Variants in BRIX1 observed in about 807,000 individuals in gnomAD.
BRIX1 encodes biogenesis of ribosomes BRX1, also known as ribosome biogenesis protein BRX1 homolog.
BRIX1 carries 15 observed loss-of-function variants against 44.0 expected under a neutral mutation model. The observed-to-expected ratio is 0.34, with a 90% CI of 0.23 to 0.53. BRIX1 has a LOEUF of 0.53. BRIX1 is among the 20% of genes least tolerant of loss of function. BRIX1 has a pLI of 0.95. For missense variants in BRIX1, 420 were observed against 432.8 expected (o/e 0.97, Z 0.26); for synonymous variants, 149 against 135.4 (o/e 1.10, Z -0.70).
Position 34,919,821 on chromosome 5 carries a change from CT to C in BRIX1, c.272-11del, listed in dbSNP as rs759304504. ...ATCACCTTTAATTTACTTGCTTTTT[CT>C]TTTTTTTCTTTTTCTAGATACTAAA... On this transcript the variant is annotated intron_variant, in intron 2 of 9. Transcript: ENST00000336767. 5.8e-5 allele frequency: 50 copies of C among 866,518 alleles called. No individual in the cohort carries two copies. The highest frequency in any genetic ancestry group is 1.2e-4 in the South Asian group (6 of 51,978). 53.7% of individuals were successfully genotyped at this position (866,518 alleles called of 1,614,324 possible). A position where few individuals can be genotyped will look rare whatever the true frequency, so the allele number is the denominator to read the frequency against.
chr5:34,921,163 TTAAA>T (rs1273002180), intron 3 of BRIX1: 13 of 152,216 alleles, frequency 8.5e-5, no homozygotes, highest in African/African-American at 2.7e-4. Context: ...GTTTAAAGTC[TTAAA>T]TAATGTGGAG....
intron 2 of BRIX1, among the ~76,000 whole-genome samples, chr5:34,919,159 C>T (rs1561171916): frequency 6.7e-6 from 1 of 150,098 alleles, no homozygotes; most frequent in Non-Finnish European, 1.5e-5. Context: ...GCCTGCAGTC[C>T]CAGCTACTCA....
rs1427335166 is a variant in BRIX1 at position 34,924,908 on chromosome 5, A to C, written c.725A>C (p.Lys242Thr). The change falls in exon 9 of 10, where the codon AAG becomes ACG. Residue 242 changes from lysine to threonine, a missense_variant. Transcript: ENST00000336767. ...IGPRFVLNLI[K>T]IFQGSFGGPT... ...CCTCGTTTTGTCTTAAATCTCATAA[A>C]GATTTTCCAGGGAAGTTTTGGAGGA... is the stretch of plus-strand genomic sequence containing the variant. 6.2e-7 allele frequency: 1 copy of C among 1,612,218 alleles called. No homozygotes were observed.
chr5:34,925,389 A>C lies in BRIX1; in HGVS notation c.956A>C (p.Gln319Pro). 6.2e-7 allele frequency: 1 copy of C among 1,614,050 alleles called. No individual in the cohort carries two copies. Among genetic ancestry groups the C allele is most frequent in the Non-Finnish European group, 8.5e-7 (1 of 1,180,020 alleles). The change falls in exon 10 of 10, where the codon CAG (glutamine) becomes CCG (proline). Residue 319 changes from glutamine to proline, a missense_variant. Gln to Pro is a moderately conservative substitution (Grantham distance 76). Coordinates refer to ENST00000336767, the MANE Select transcript of BRIX1 (RefSeq NM_018321.4). ...TPAEEKPIEI[Q>P]WVKPEPKVDL... ...GCTGAGGAGAAACCAATAGAAATAC[A>C]GTGGGTAAAACCAGAGCCAAAAGTT...
intron 8 of BRIX1, 74 bp downstream of exon 8, chr5:34,923,308 T>TCAAAA: frequency 8.2e-7 from 1 of 1,221,960 alleles, no homozygotes; most frequent in Non-Finnish European, 1.2e-6. Context: ...AGACAGAGTC[T>TCAAAA]CGCTCTTGTT....
chr5:34,922,867 C>A (rs1764270670), intron 6 of BRIX1, 99 bp downstream of exon 6: 2 of 1,316,198 alleles, frequency 1.5e-6, no homozygotes, highest in Admixed American at 1.9e-5. Flanking sequence ...TCACCCCCAC[C>A]TTGGTTTTAT....
Position 34,915,907 on chromosome 5 carries a change from G to T in BRIX1, c.159+10G>T. ...AGGCCCCGTTTGCAAGGTAGGAGGGGATGTCCCCGGGCTACACCTGCGGCG... is the reference window on the plus strand; with the variant it reads ...AGGCCCCGTTTGCAAGGTAGGAGGGTATGTCCCCGGGCTACACCTGCGGCG... On this transcript the variant is annotated intron_variant, in intron 1 of 9. Coordinates refer to ENST00000336767, the MANE Select transcript of BRIX1 (RefSeq NM_018321.4). 1 of 1,545,164 alleles carries T rather than the reference G, an allele frequency of 6.5e-7. No individual in the cohort carries two copies.
At chr5:34,918,879 CTT>C (rs143463902) in intron 2 of BRIX1, 33,626 of 147,728 alleles carry the variant, frequency 0.23, 4,431 homozygotes, top group East Asian at 0.36. Flanking sequence ...ATTCAAAGCA[CTT>C]TTTAAGTTGG....
intron 3 of BRIX1, chr5:34,921,289 T>C (rs981145253): frequency 7.9e-5 from 12 of 152,196 alleles, no homozygotes; most frequent in African/African-American, 2.9e-4. Context: ...CTTCAAGACA[T>C]TGAAGTTTAA....
chr5:34,916,418 G>A (rs978392045), intron 1 of BRIX1: 4 of 152,462 alleles, frequency 2.6e-5, no homozygotes, highest in African/African-American at 9.7e-5. Flanking sequence ...GGTAGTATGA[G>A]CTTTACTTGT....
In BRIX1 at chr5:34,925,492, A is replaced by G. The variant is rs764873610; in HGVS notation, c.1059A>G (p.Lys353=). ...AGAGGATGGACAGTGGGAAAACAAA[A>G]TAAGTCAATGGAAACCTGATTTGTT... is the stretch of plus-strand genomic sequence containing the variant. ...MKQRMDSGKT[K] The change falls in exon 10 of 10, where the codon AAA becomes AAG. Residue 353 remains lysine, a synonymous_variant. Coordinates refer to ENST00000336767, the MANE Select transcript of BRIX1 (RefSeq NM_018321.4). 5 of 1,607,974 alleles carry G rather than the reference A, an allele frequency of 3.1e-6. No homozygotes were observed. The highest frequency in any genetic ancestry group is 1.3e-5 in the African/African-American group (1 of 74,654).
intron 8 of BRIX1, among the ~76,000 whole-genome samples, chr5:34,924,376 C>T (rs747458442): frequency 6.6e-6 from 1 of 152,108 alleles, no homozygotes; most frequent in African/African-American, 2.4e-5. Context: ...ATTTGTTGTT[C>T]GGAAGTTGCC....
At chr5:34,915,992 A>G in intron 1 of BRIX1, 95 bp downstream of exon 1, 2 of 1,390,816 alleles carry the variant, frequency 1.4e-6, no homozygotes, top group South Asian at 1.5e-5. Context: ...TTAATTTCAG[A>G]GTAGCCCGGG....
Position 34,922,306 on chromosome 5 carries a change from AT to A in BRIX1, c.386+23del, listed in dbSNP as rs1186790593. On this transcript the variant is annotated intron_variant, in intron 4 of 9. Coordinates refer to ENST00000336767, the MANE Select transcript of BRIX1 (RefSeq NM_018321.4). ...ATATGTGGTAAGAGAATGTATTAAGATTTTGGTTAAACTCATTTAAGTGGAT... is the reference window on the plus strand; with the variant it reads ...ATATGTGGTAAGAGAATGTATTAAGATTTGGTTAAACTCATTTAAGTGGAT... The A allele has an allele frequency of 1.4e-6, 2 of 1,472,072 alleles. No individual in the cohort carries two copies. Among genetic ancestry groups the A allele is most frequent in the Admixed American group, 3.7e-5 (2 of 54,762 alleles). The allele number at this position is 1,472,072 out of a possible 1,614,324, so 91.2% of individuals were successfully genotyped here.
rs372149472 is a variant in BRIX1, at chr5:34,923,540, A to G, written c.663+306A>G. 9.2e-5 allele frequency among the ~76,000 whole-genome samples: 14 copies of G among 152,164 alleles called. No homozygotes were observed. In the East Asian group the frequency reaches 1.2e-3, roughly 13 times the overall value. ...CCATCTGCCCGCCTTGGCCTCCCAA[A>G]GTGCTGGGATTCCAGGCGTGAGCCA... On this transcript the variant is annotated intron_variant, in intron 8 of 9. Coordinates refer to ENST00000336767, the MANE Select transcript of BRIX1 (RefSeq NM_018321.4).
chr5:34,917,082 A>C (rs560403622), intron 1 of BRIX1, among the ~76,000 whole-genome samples: 121 of 152,300 alleles, frequency 7.9e-4, no homozygotes, highest in African/African-American at 2.8e-3. Flanking sequence ...CGTAAGCTGC[A>C]TATCAGAGGA....
Position 34,919,856 on chromosome 5 carries a change from TA to T in BRIX1, c.290del (p.Lys97ArgfsTer6). On this transcript the variant is annotated frameshift_variant, in exon 3 of 10. Coordinates refer to ENST00000336767, the MANE Select transcript of BRIX1 (RefSeq NM_018321.4). LOFTEE classifies it high-confidence loss of function. The part of the protein sequence containing the change: ...HSKADTKMDR[K>X]DKLFVINEVC... ...TTTTTCTAGATACTAAAATGGATCG[TA>T]AGGATAAGCTATTTGTGATTAACGA... 1 of 1,170,970 alleles carries T rather than the reference TA, an allele frequency of 8.5e-7. No individual in the cohort carries two copies. Among genetic ancestry groups the T allele is most frequent in the Non-Finnish European group, 1.2e-6 (1 of 822,592 alleles). The allele number at this position is 1,170,970 out of a possible 1,614,324, so 72.5% of individuals were successfully genotyped here. A position where few individuals can be genotyped will look rare whatever the true frequency, so the allele number is the denominator to read the frequency against.
intron 3 of BRIX1, chr5:34,921,637 G>A (rs1299178379): frequency 6.6e-6 from 1 of 152,270 alleles, no homozygotes; most frequent in Non-Finnish European, 1.5e-5. Context: ...CAGGTGAGGT[G>A]GCTCACACCT....
At chr5:34,916,165 T>C (rs912881561) in intron 1 of BRIX1, 9 of 346,682 alleles carry the variant, frequency 2.6e-5, no homozygotes, top group Non-Finnish European at 4.7e-5. Context: ...CCAGCGTTCT[T>C]TCTTACTAGT....
Sources: gnomAD v4.1 joint callset for allele counts (sites outside exome capture counted in the v4.1 genomes callset) on GRCh38, gnomAD v4.1.1 for gene constraint, MANE v1.5 for transcripts, NCBI Gene and HGNC (gene_info 2026-07-23, HGNC 2026-07-21) for gene names.